MYO3B: variants seen among roughly 807,000 people sequenced by gnomAD.
The protein encoded by MYO3B is myosin-IIIb.
In MYO3B, 156 loss-of-function variants were observed where a neutral mutation model predicts 174.6. The ratio of observed to expected loss-of-function variants is 0.89; its 90% CI spans 0.78 to 1.02. The LOEUF (loss-of-function observed/expected upper bound fraction) is 1.02, where lower values mean the gene tolerates loss of function less well. Ranked by LOEUF, MYO3B falls within the 50% of genes least tolerant of loss-of-function variation. MYO3B has a pLI of 0.00. For missense variants in MYO3B, 1,632 were observed against 1,639.4 expected (o/e 1.00, Z 0.08); for synonymous variants, 563 against 569.1 (o/e 0.99, Z 0.15).
At chr2:170,233,632 G>C (rs562411473) in intron 6 of MYO3B, among the ~76,000 whole-genome samples, 2 of 152,284 alleles carry the variant, frequency 1.3e-5, no homozygotes, top group Non-Finnish European at 2.9e-5. Context: ...AGTATGACAG[G>C]ATATTCTATT....
chr2:170,406,033 T>C (rs2094507342), intron 21 of MYO3B, among the ~76,000 whole-genome samples: 1 of 152,216 alleles, frequency 6.6e-6, no homozygotes, highest in South Asian at 2.1e-4. Context: ...TTTAATCATA[T>C]GTCTAAGGGC....
At chr2:170,572,598 A>G (rs1575182968) in intron 32 of MYO3B, among the ~76,000 whole-genome samples, 1 of 126,740 alleles carries the variant, frequency 7.9e-6, no homozygotes, top group East Asian at 2.7e-4. Context: ...CTGGGCAATG[A>G]CCCTATATCA....
intron 23 of MYO3B, among the ~76,000 whole-genome samples, chr2:170,459,901 A>C (rs930058009): frequency 6.6e-6 from 1 of 152,094 alleles, no homozygotes; most frequent in African/African-American, 2.4e-5. Flanking sequence ...GGCCAGCGGC[A>C]CTGGCCAGCC....
chr2:170,179,777 C>T (rs964882253), intron 1 of MYO3B, among the ~76,000 whole-genome samples: 3 of 152,274 alleles, frequency 2.0e-5, no homozygotes, highest in Middle Eastern at 6.8e-3. Flanking sequence ...AATGGACTAA[C>T]ACAACTATTA....
intron 8 of MYO3B, among the ~76,000 whole-genome samples, chr2:170,337,335 C>T (rs1410264787): frequency 6.6e-6 from 1 of 152,094 alleles, no homozygotes; most frequent in Non-Finnish European, 1.5e-5. Context: ...ATTTCATTGC[C>T]ACACACAGAT....
At chr2:170,302,760 T>A (rs1274971074) in intron 7 of MYO3B, among the ~76,000 whole-genome samples, 2 of 152,194 alleles carry the variant, frequency 1.3e-5, no homozygotes, top group Non-Finnish European at 2.9e-5. Flanking sequence ...CAAAAAACAA[T>A]TTTATATGTG....
At chr2:170,483,885 G>C (rs1053582831) in intron 25 of MYO3B, among the ~76,000 whole-genome samples, 30 of 152,074 alleles carry the variant, frequency 2.0e-4, no homozygotes, top group African/African-American at 6.0e-4. Context: ...GCCTCGATGT[G>C]GCCTTGGAAT....
chr2:170,428,097 A>T (rs2094679585), intron 22 of MYO3B, among the ~76,000 whole-genome samples: 1 of 152,252 alleles, frequency 6.6e-6, no homozygotes, highest in Non-Finnish European at 1.5e-5. Context: ...GAATGATATT[A>T]AAAAATTAGA....
intron 22 of MYO3B, among the ~76,000 whole-genome samples, chr2:170,428,624 A>T (rs2094684319): frequency 1.3e-5 from 2 of 152,194 alleles, no homozygotes; most frequent in Non-Finnish European, 2.9e-5. Context: ...CTGGCCACAG[A>T]TATCACACAA....
At chr2:170,384,008 CT>C (rs2094355298) in intron 12 of MYO3B, 194 bp downstream of exon 12, 3 of 521,248 alleles carry the variant, frequency 5.8e-6, no homozygotes, top group Non-Finnish European at 1.0e-5. Flanking sequence ...TGTGAAAATG[CT>C]TTTCAAGAAA....
At chr2:170,522,958 C>CT (rs1458126408) in intron 30 of MYO3B, among the ~76,000 whole-genome samples, 2 of 151,350 alleles carry the variant, frequency 1.3e-5, no homozygotes, top group Non-Finnish European at 2.9e-5. Flanking sequence ...ACTCTTGTTA[C>CT]TAAAAAAAAT....
intron 32 of MYO3B, among the ~76,000 whole-genome samples, chr2:170,600,880 C>A (rs1158080898): frequency 6.6e-6 from 1 of 152,176 alleles, no homozygotes; most frequent in East Asian, 1.9e-4. Context: ...TTCTAATAAT[C>A]CCATGCTGTG....
intron 32 of MYO3B, among the ~76,000 whole-genome samples, chr2:170,603,467 C>T (rs551093221): frequency 1.3e-5 from 2 of 152,236 alleles, no homozygotes; most frequent in South Asian, 2.1e-4. Context: ...TTAAAACTTT[C>T]GTATTTTTTT....
chr2:170,215,909 C>T (rs2092823236), intron 5 of MYO3B, among the ~76,000 whole-genome samples: 1 of 152,184 alleles, frequency 6.6e-6, no homozygotes, highest in African/African-American at 2.4e-5. Context: ...ATTCACTCAG[C>T]AGCTTTGCGA....
At chr2:170,527,418 T>A (rs998030023) in intron 30 of MYO3B, among the ~76,000 whole-genome samples, 1 of 152,278 alleles carries the variant, frequency 6.6e-6, no homozygotes, top group Non-Finnish European at 1.5e-5. Flanking sequence ...GTTAAATTTT[T>A]AAAATTAGAT....
At chr2:170,436,102 T>G (rs953319076) in intron 22 of MYO3B, among the ~76,000 whole-genome samples, 1 of 152,214 alleles carries the variant, frequency 6.6e-6, no homozygotes, top group African/African-American at 2.4e-5. Context: ...GATTCTCTCT[T>G]AACACAGTTC....
At chr2:170,236,568 A>G (rs1409073065) in intron 7 of MYO3B, among the ~76,000 whole-genome samples, 4 of 152,236 alleles carry the variant, frequency 2.6e-5, no homozygotes, top group Non-Finnish European at 5.9e-5. Context: ...AGAAAATGTT[A>G]CATCAGCGCT....
At chr2:170,283,630 T>A (rs531217101) in intron 7 of MYO3B, among the ~76,000 whole-genome samples, 4 of 152,168 alleles carry the variant, frequency 2.6e-5, no homozygotes, top group Admixed American at 6.5e-5. Flanking sequence ...ACTGGCTAAT[T>A]CCTGAAACCA....
chr2:170,224,896 AT>A (rs2092935806), intron 6 of MYO3B, among the ~76,000 whole-genome samples: 1 of 152,220 alleles, frequency 6.6e-6, no homozygotes, highest in African/African-American at 2.4e-5. Flanking sequence ...ATGCAGAAAT[AT>A]CGCAAGCTTT....
Sources: gnomAD v4.1 joint callset for allele counts (sites outside exome capture counted in the v4.1 genomes callset) on GRCh38, gnomAD v4.1.1 for gene constraint, MANE v1.5 for transcripts, NCBI Gene and HGNC (gene_info 2026-07-23, HGNC 2026-07-21) for gene names.